The following SERPINB3 variants were observed in gnomAD, a reference collection of about 807,000 sequenced individuals.
SERPINB3 encodes serpin family B member 3.
In SERPINB3, 33 loss-of-function variants were observed where a neutral mutation model predicts 33.0. The observed-to-expected ratio is 1.00, with a 90% CI of 0.76 to 1.34. SERPINB3 has a LOEUF of 1.34. Among genes scored for constraint, SERPINB3 ranks in the 40% most tolerant of loss-of-function variants. The pLI is 0.00. For synonymous variants in SERPINB3, 200 were observed against 170.9 expected (o/e 1.17, Z -1.33); for missense variants, 518 against 461.5 (o/e 1.12, Z -1.12).
rs116186925 is a variant in SERPINB3, at chr18:63,655,311, T to C, written c.*346A>G. On this transcript the variant is annotated 3_prime_UTR_variant, in exon 8 of 8. Transcript: ENST00000283752. ...AAAGAAATGTGTGTTTCTAGGTTGC[T>C]AAATTCAAAGAAAAAGTATGATTTG... 396 of 187,290 alleles carry C rather than the reference T, an allele frequency of 2.1e-3. 2 individuals carry two copies. The highest frequency in any genetic ancestry group is 8.6e-3 in the African/African-American group (368 of 42,762). 11.6% of individuals were successfully genotyped at this position (187,290 alleles called of 1,614,324 possible). A position where few individuals can be genotyped will look rare whatever the true frequency, so the allele number is the denominator to read the frequency against.
intron 5 of SERPINB3, 64 bp from the exon 6 acceptor site, chr18:63,657,476 T>G (rs928203281): frequency 7.2e-7 from 1 of 1,382,138 alleles, no homozygotes; most frequent in African/African-American, 1.5e-5. Flanking sequence ...GGAAGATGCT[T>G]TGCAAATGTT....
chr18:63,657,302 C>G lies in SERPINB3; in HGVS notation c.580G>C (p.Asp194His), dbSNP rs1913523517. Reference protein sequence around the residue: ...GQWEKKFNKEDTKEEKFWPNK... With the variant: ...GQWEKKFNKEHTKEEKFWPNK... ...GGCCAAAATTTTTCCTCTTTAGTAT[C>G]TTCTTTATTAAATTTCTTCTCCCAC... Residue 194 changes from aspartate to histidine, a missense_variant, in exon 6 of 8, where the codon GAT becomes CAT. Coordinates refer to ENST00000283752, the MANE Select transcript of SERPINB3 (RefSeq NM_006919.3). 1 of 1,603,100 alleles carries G rather than the reference C, an allele frequency of 6.2e-7. No individual in the cohort carries two copies. Among genetic ancestry groups the G allele is most frequent in the Non-Finnish European group, 8.5e-7 (1 of 1,172,366 alleles).
intron 4 of SERPINB3, among the ~76,000 whole-genome samples, chr18:63,658,997 G>A (rs564253434): frequency 2.2e-4 from 34 of 152,160 alleles, no homozygotes; most frequent in Admixed American, 1.3e-3. Context: ...TGTGCATTCA[G>A]TATTTCCTGG....
chr18:63,658,730 C>G (rs1291240075), intron 4 of SERPINB3, 100 bp from the exon 5 acceptor site: 1 of 891,110 alleles, frequency 1.1e-6, no homozygotes, highest in Non-Finnish European at 1.7e-6. Context: ...TGAATCCAGA[C>G]CCTGAATAGA....
At position 63,657,195 on chromosome 18, in the gene SERPINB3, T is replaced by C. The variant is rs565592285; in HGVS notation, c.612+75A>G. On this transcript the variant is annotated intron_variant, in intron 6 of 7. Transcript: ENST00000283752. ...GACATGAACAATTTTATTTTTTACT[T>C]GTCATGGTACATTCCATCAGAAATG... 83 of 931,736 alleles carry C rather than the reference T, an allele frequency of 8.9e-5. No individual in the cohort carries two copies. The Admixed American group carries it at 2.4e-3, about 27-fold the overall frequency. The allele number at this position is 931,736 out of a possible 1,614,324, so 57.7% of individuals were successfully genotyped here. A position where few individuals can be genotyped will look rare whatever the true frequency, so the allele number is the denominator to read the frequency against.
intron 7 of SERPINB3, 44 bp from the exon 8 acceptor site, chr18:63,656,105 T>G: frequency 1.3e-6 from 2 of 1,587,724 alleles, no homozygotes; most frequent in East Asian, 2.2e-5. Context: ...AACTGTTGAT[T>G]TCTAATACAC....
At position 63,655,696 on chromosome 18, in the gene SERPINB3, G is replaced by T; in HGVS notation, c.1134C>A (p.Thr378=). 6.2e-7 allele frequency: 1 copy of T among 1,613,524 alleles called. No individual in the cohort carries two copies. Among genetic ancestry groups the T allele is most frequent in the Non-Finnish European group, 8.5e-7 (1 of 1,179,694 alleles). Residue 378 remains threonine (T), a synonymous_variant, in exon 8 of 8, where the codon ACC becomes ACA. Coordinates refer to ENST00000283752, the MANE Select transcript of SERPINB3 (RefSeq NM_006919.3). ...PFLFFIRQNK[T]NSILFYGRFS... is the part of the protein sequence containing the mutation. ...ATCTGCCATAGAAGAGGATGCTGTT[G>T]GTCTTATTTTGCCTTATGAAGAATA...
intron 3 of SERPINB3, among the ~76,000 whole-genome samples, chr18:63,659,747 C>A (rs758202835): frequency 7.9e-5 from 12 of 152,160 alleles, no homozygotes; most frequent in Non-Finnish European, 1.6e-4. Flanking sequence ...GTACTGCAAT[C>A]TTTTCTCTTC....
intron 5 of SERPINB3, 126 bp from the exon 6 acceptor site, chr18:63,657,538 T>A: frequency 1.3e-6 from 1 of 756,378 alleles, no homozygotes; most frequent in Non-Finnish European, 2.0e-6. Flanking sequence ...ACTCACTGAC[T>A]TTGATCTTTG....
chr18:63,659,554 T>G, intron 3 of SERPINB3, 27 bp from the exon 4 acceptor site: 1 of 1,613,230 alleles, frequency 6.2e-7, no homozygotes, highest in South Asian at 1.1e-5. Flanking sequence ...AGGAGATCAT[T>G]CAATTGCTGT....
At chr18:63,660,538 T>G (rs1341653094) in intron 3 of SERPINB3, among the ~76,000 whole-genome samples, 4 of 152,118 alleles carry the variant, frequency 2.6e-5, no homozygotes, top group African/African-American at 9.7e-5. Context: ...TCACCATTTG[T>G]GAAGAGCAAA....
chr18:63,655,727 G>C lies in SERPINB3; in HGVS notation c.1103C>G (p.Pro368Arg), dbSNP rs1410761660. ...ATTTTGCCTTATGAAGAATAGGAAAGGGTGATTACAATGGAACTCTTCATT... is the reference window on the plus strand; with the variant it reads ...ATTTTGCCTTATGAAGAATAGGAAACGGTGATTACAATGGAACTCTTCATT... ...STNEEFHCNH[P>R]FLFFIRQNKT... The change falls in exon 8 of 8, where the codon CCT (proline) becomes CGT (arginine). Residue 368 changes from proline (P) to arginine (R), a missense_variant. Coordinates refer to ENST00000283752, the MANE Select transcript of SERPINB3 (RefSeq NM_006919.3). The C allele has an allele frequency of 6.2e-7, 1 of 1,613,958 alleles. No individual in the cohort carries two copies. Among genetic ancestry groups the C allele is most frequent in the South Asian group, 1.1e-5 (1 of 91,068 alleles).
Position 63,656,994 on chromosome 18 carries a change from A to T in SERPINB3, c.613-8T>A. 1.3e-6 allele frequency: 2 copies of T among 1,594,714 alleles called. No individual in the cohort carries two copies. Among genetic ancestry groups the T allele is most frequent in the Non-Finnish European group, 1.7e-6 (2 of 1,167,080 alleles). The stretch of plus-strand genomic sequence containing the variant: ...TATGGACTTGTATGTATTCTACAAT[A>T]AATCAATGTGTCCAACAAATACCAA... On this transcript the variant is annotated splice_polypyrimidine_tract_variant and splice_region_variant and intron_variant, in intron 6 of 7. Transcript: ENST00000283752.
chr18:63,660,882 G>A, intron 2 of SERPINB3, 26 bp from the exon 3 acceptor site: 1 of 1,613,148 alleles, frequency 6.2e-7, no homozygotes, highest in Non-Finnish European at 8.5e-7. Context: ...AGCGGGACAA[G>A]AAAACTTTAC....
In SERPINB3 at chr18:63,655,614, T is replaced by A; in HGVS notation, c.*43A>T. 6.4e-7 allele frequency: 1 copy of A among 1,551,542 alleles called. No individual in the cohort carries two copies. The highest frequency in any genetic ancestry group is 8.7e-7 in the Non-Finnish European group (1 of 1,144,710). On this transcript the variant is annotated 3_prime_UTR_variant, in exon 8 of 8. Transcript: ENST00000283752. ...CCAGCAATCAGTTTACCAGAACATCTGCAGGTGAACATTTTCCAAATGGAG... is the reference window on the plus strand; with the variant it reads ...CCAGCAATCAGTTTACCAGAACATCAGCAGGTGAACATTTTCCAAATGGAG...
At chr18:63,656,211 C>T (rs1237269574) in intron 7 of SERPINB3, 150 bp from the exon 8 acceptor site, 2 of 948,388 alleles carry the variant, frequency 2.1e-6, no homozygotes, top group South Asian at 1.8e-5. Flanking sequence ...TTCTAATAGG[C>T]AAAATATGAG....
chr18:63,660,288 T>G (rs911751294), intron 3 of SERPINB3, among the ~76,000 whole-genome samples: 1 of 152,182 alleles, frequency 6.6e-6, no homozygotes, highest in Non-Finnish European at 1.5e-5. Context: ...GTTGGACTTG[T>G]GCTTATTCCT....
rs1235632006 is a variant in SERPINB3, at chr18:63,655,703, T to C, written c.1127A>G (p.Asn376Ser). ...ATAGAAGAGGATGCTGTTGGTCTTA[T>C]TTTGCCTTATGAAGAATAGGAAAGG... The part of the protein sequence containing the change: ...NHPFLFFIRQ[N>S]KTNSILFYGR... The change falls in exon 8 of 8, where the codon AAT (asparagine) becomes AGT (serine). Residue 376 changes from asparagine to serine, a missense_variant. Physicochemically the swap from Asn to Ser is conservative, Grantham distance 46. Coordinates refer to ENST00000283752, the MANE Select transcript of SERPINB3 (RefSeq NM_006919.3). 1.9e-6 allele frequency: 3 copies of C among 1,613,818 alleles called. No homozygotes were observed. Among genetic ancestry groups the C allele is most frequent in the Non-Finnish European group, 2.5e-6 (3 of 1,179,852 alleles).
At chr18:63,656,759 C>G (rs770582319) in intron 7 of SERPINB3, 72 bp downstream of exon 7, 355 of 1,492,982 alleles carry the variant, frequency 2.4e-4, no homozygotes, top group Non-Finnish European at 2.9e-4. Context: ...CCAGCTTTTA[C>G]CTTGTTTAAA....
Sources: allele counts gnomAD v4.1 joint callset (sites outside exome capture counted in the v4.1 genomes callset), GRCh38; gene constraint gnomAD v4.1.1; transcripts MANE v1.5; gene names NCBI Gene and HGNC (gene_info 2026-07-23, HGNC 2026-07-21).